The following TULP2 variants were observed in gnomAD, a reference collection of about 807,000 sequenced individuals.
TULP2 encodes tubby-related protein 2.
In TULP2, 64 loss-of-function variants were observed where a neutral mutation model predicts 60.3. That is an observed-to-expected ratio of 1.06 (90% CI 0.87 to 1.31). The LOEUF (loss-of-function observed/expected upper bound fraction) is 1.31, where lower values mean the gene tolerates loss of function less well. TULP2 is among the 50% of genes most tolerant of loss of function. The probability of loss-of-function intolerance (pLI) is 0.00; values close to 1 mark genes in which losing one functional copy is unlikely to be tolerated. For synonymous variants in TULP2, 267 were observed against 265.4 expected, an observed-to-expected ratio of 1.01 and a Z score of -0.06; for missense variants, 652 against 667.0, an observed-to-expected ratio of 0.98 and a Z score of 0.25.
intron 8 of TULP2, among the ~76,000 whole-genome samples, chr19:48,886,284 G>T (rs1022248720): frequency 1.3e-5 from 2 of 148,550 alleles, no homozygotes; most frequent in Non-Finnish European, 3.0e-5. Context: ...GGGCGACAGA[G>T]CAAGACTACG....
chr19:48,884,034 G>A lies in TULP2; in HGVS notation c.1074C>T (p.Phe358=), dbSNP rs1353146271. The A allele has an allele frequency of 3.1e-6, 5 of 1,613,816 alleles. No individual in the cohort carries two copies. The highest frequency in any genetic ancestry group is 4.2e-6 in the Non-Finnish European group (5 of 1,179,888). The change falls in exon 10 of 13, where the codon TTC becomes TTT. Residue 358 remains phenylalanine (F), a synonymous_variant. Transcript: ENST00000221399. ...TGTCAAAGATGGTGAACTTGGTGCTGAAGACATTGGATCTGCTCCAGGAAG... is the reference window on the plus strand; with the variant it reads ...TGTCAAAGATGGTGAACTTGGTGCTAAAGACATTGGATCTGCTCCAGGAAG... ...NFVGKVRSNV[F]STKFTIFDNG... is the part of the protein sequence containing the mutation.
In TULP2 at chr19:48,896,520, G is replaced by A. The variant is rs772028249; in HGVS notation, c.121C>T (p.Gln41Ter). 6.2e-7 allele frequency: 1 copy of A among 1,605,968 alleles called. No individual in the cohort carries two copies. Among genetic ancestry groups the A allele is most frequent in the Non-Finnish European group, 8.5e-7 (1 of 1,176,258 alleles). The stretch of plus-strand genomic sequence containing the variant: ...TTGGCCTGAACCATGAGGAGCTCCT[G>A]GCGCTTCTGTCGCTGCTTCTTTTCA... ...LFEKKQRQKR[Q>*]ELLMVQANPD... Residue 41 changes from glutamine (Q) to a stop codon, truncating the protein, a stop_gained, in exon 4 of 13, where the codon CAG becomes TAG. Transcript: ENST00000221399. LOFTEE classifies it high-confidence loss of function.
At chr19:48,895,915 G>A (rs911696679) in intron 4 of TULP2, among the ~76,000 whole-genome samples, 1 of 151,980 alleles carries the variant, frequency 6.6e-6, no homozygotes, top group Non-Finnish European at 1.5e-5. Flanking sequence ...TTCGCGGACC[G>A]CCCAAACCTT....
intron 8 of TULP2, among the ~76,000 whole-genome samples, chr19:48,887,131 C>T (rs1025928851): frequency 8.6e-5 from 13 of 150,656 alleles, no homozygotes; most frequent in African/African-American, 2.9e-4. Flanking sequence ...CCTGCCTCAG[C>T]CTCCTGAGTA....
chr19:48,889,947 T>A (rs2122130270), intron 6 of TULP2, among the ~76,000 whole-genome samples: 1 of 152,332 alleles, frequency 6.6e-6, no homozygotes, highest in East Asian at 1.9e-4. Context: ...CGCAGGGACC[T>A]CTGCCTAGGA....
Position 48,898,702 on chromosome 19 carries a change from C to CA in TULP2, c.-115dup, listed in dbSNP as rs2037307133. The CA allele has an allele frequency of 6.6e-6, 1 of 152,122 alleles. No homozygotes were observed. Among genetic ancestry groups the CA allele is most frequent in the Admixed American group, 6.6e-5 (1 of 15,248 alleles). The allele number at this position is 152,122 out of a possible 1,614,324, so 9.4% of individuals were successfully genotyped here. ...ATTCCCTCTGGGACCTGAACTGGTC[C>CA]ACTCCCTTCTGACCCTCCACTCTCC... On this transcript the variant is annotated 5_prime_UTR_variant, in exon 1 of 13. Transcript: ENST00000221399.
At position 48,887,311 on chromosome 19, in the gene TULP2, C is replaced by CTTTTTTTTTTTTTTTTTTT. The variant is rs58640342; in HGVS notation, c.948+620_948+638dup. On this transcript the variant is annotated intron_variant, in intron 8 of 12. Transcript: ENST00000221399. ...CAAGTGTGAGCCACCGCGCCCAGCC[C>CTTTTTTTTTTTTTTTTTTT]TTTTTTTTTTTTTTTTTTTTTTTTT... Among the ~76,000 whole-genome samples the CTTTTTTTTTTTTTTTTTTT allele has an allele frequency of 3.0e-3, 120 of 39,376 alleles. 31 individuals are homozygous for CTTTTTTTTTTTTTTTTTTT. Among genetic ancestry groups the CTTTTTTTTTTTTTTTTTTT allele is most frequent in the Middle Eastern group, 0.05 (1 of 20 alleles). The allele number at this position is 39,376 out of a possible 152,430, so 25.8% of individuals were successfully genotyped here.
rs150213279 is a variant in TULP2 at position 48,882,759 on chromosome 19, G to T, written c.1276-556C>A. Among the ~76,000 whole-genome samples, 614 of 152,312 alleles carry T rather than the reference G, an allele frequency of 4.0e-3. 5 individuals carry two copies. The highest frequency in any genetic ancestry group is 0.014 in the African/African-American group (570 of 41,570). On this transcript the variant is annotated intron_variant, in intron 11 of 12. Transcript: ENST00000221399. The stretch of plus-strand genomic sequence containing the variant: ...GGTAAAAACACCTTCAAATAAGGAA[G>T]AGGAACAGGCTATGACCTAATGCTT...
At chr19:48,887,805 G>C (rs1034748054) in intron 8 of TULP2, 145 bp downstream of exon 8, 1 of 835,024 alleles carries the variant, frequency 1.2e-6, no homozygotes, top group Non-Finnish European at 1.8e-6. Context: ...TGATCCACCC[G>C]CTTCAGCCTC....
intron 6 of TULP2, among the ~76,000 whole-genome samples, chr19:48,894,594 T>C (rs930854703): frequency 2.6e-5 from 4 of 152,042 alleles, no homozygotes; most frequent in Non-Finnish European, 4.4e-5. Context: ...TGAGCCAAGA[T>C]CACGCCACTG....
At chr19:48,890,203 G>A (rs1442904128) in intron 6 of TULP2, among the ~76,000 whole-genome samples, 1 of 152,246 alleles carries the variant, frequency 6.6e-6, no homozygotes, top group Non-Finnish European at 1.5e-5. Flanking sequence ...ACTGAGATAG[G>A]GAAAAACCGC....
At position 48,897,280 on chromosome 19, in the gene TULP2, G is replaced by T. The variant is rs1006065244; in HGVS notation, c.84+65C>A. 6.4e-6 allele frequency: 10 copies of T among 1,561,324 alleles called. No individual in the cohort carries two copies. In the Admixed American group the frequency reaches 1.4e-4, roughly 22 times the overall value. ...GGGAGTCCTAGAGCAAGACCTGGTG[G>T]AGAGGCCCCTGGGGAGGCACAGAAG... On this transcript the variant is annotated intron_variant, in intron 3 of 12. Transcript: ENST00000221399. This position sits in a 1 kb window ranked among gnomAD's most constrained non-coding sequence, Gnocchi z 4.0.
Position 48,887,971 on chromosome 19 carries a change from C to G in TULP2, c.927G>C (p.Leu309=). ...KGLFPLYYLY[L]ETSDSLQRFL... is the part of the protein sequence containing the mutation. ...GCACCTGCAGGCTGTCAGAGGTCTCCAGGTAGAGGTAGTAGAGGGGGAACA... is the reference window on the plus strand; with the variant it reads ...GCACCTGCAGGCTGTCAGAGGTCTCGAGGTAGAGGTAGTAGAGGGGGAACA... Residue 309 remains leucine, a synonymous_variant, in exon 8 of 13, where the codon CTG becomes CTC. Coordinates refer to ENST00000221399, the MANE Select transcript of TULP2 (RefSeq NM_003323.3). 4 of 1,611,416 alleles carry G rather than the reference C, an allele frequency of 2.5e-6. No individual in the cohort carries two copies. Among genetic ancestry groups the G allele is most frequent in the Non-Finnish European group, 3.4e-6 (4 of 1,177,762 alleles).
intron 12 of TULP2, 85 bp from the exon 13 acceptor site, chr19:48,881,211 CT>C (rs1317301312): frequency 0.14 from 23,367 of 172,638 alleles, 9 homozygotes; most frequent in South Asian, 0.17. Flanking sequence ...TTTTTTTTTT[CT>C]TTTTTTTTTT....
intron 9 of TULP2, among the ~76,000 whole-genome samples, chr19:48,884,604 C>A (rs1407254579): frequency 4.6e-5 from 7 of 151,790 alleles, no homozygotes; most frequent in Admixed American, 2.0e-4. Context: ...AACCCCGTCT[C>A]TACTAAAAAT....
At chr19:48,896,579 T>C (rs1215875165) in intron 3 of TULP2, 23 bp from the exon 4 acceptor site, 1 of 1,573,952 alleles carries the variant, frequency 6.4e-7, no homozygotes, top group African/African-American at 1.4e-5. Flanking sequence ...GAGAGGTGGG[T>C]GTCCGGGACA....
In TULP2 at chr19:48,885,479, G is replaced by A. The variant is rs144085044; in HGVS notation, c.1030C>T (p.Arg344Trp). ...TTGCCCACGAAATTGTCCCCGTCCC[G>A]AGATAGGTGTGTAGGATCCAGGGAG... ...LISLDPTHLS[R>W]DGDNFVGKVR... Residue 344 changes from arginine (R) to tryptophan (W), a missense_variant, in exon 9 of 13, where the codon CGG becomes TGG. Arg to Trp is a moderately radical substitution (Grantham distance 101). Transcript: ENST00000221399. 1,218 of 1,614,012 alleles carry A rather than the reference G, an allele frequency of 7.5e-4. 2 individuals carry two copies. Among genetic ancestry groups the A allele is most frequent in the Non-Finnish European group, 7.1e-4 (838 of 1,179,952 alleles).
intron 1 of TULP2, among the ~76,000 whole-genome samples, 173 bp from the exon 2 acceptor site, chr19:48,898,042 G>A (rs533888918): frequency 4.7e-4 from 71 of 151,970 alleles, no homozygotes; most frequent in African/African-American, 1.6e-3. Context: ...GCGCCATCTC[G>A]GCCACTGCAA....
chr19:48,888,117 T>C lies in TULP2; in HGVS notation c.781A>G (p.Ile261Val). The C allele has an allele frequency of 6.2e-7, 1 of 1,614,200 alleles. No homozygotes were observed. Among genetic ancestry groups the C allele is most frequent in the Non-Finnish European group, 8.5e-7 (1 of 1,180,014 alleles). Residue 261 changes from isoleucine to valine, a missense_variant, in exon 8 of 13, where the codon ATC becomes GTC. Ile to Val is a conservative substitution (Grantham distance 29, BLOSUM62 3). Coordinates refer to ENST00000221399, the MANE Select transcript of TULP2 (RefSeq NM_003323.3). ...DHMRHEASLAIRSPCPGLEED... is the reference protein window; with the variant it reads ...DHMRHEASLAVRSPCPGLEED... ...TCCAGCCCAGGGCAGGGGGAGCGGA[T>C]TGCCAAGGAGGCTTCGTGCCTCATA...
Sources: allele counts gnomAD v4.1 joint callset (sites outside exome capture counted in the v4.1 genomes callset), GRCh38; gene constraint gnomAD v4.1.1; non-coding constraint Gnocchi (gnomAD v3.1); transcripts MANE v1.5; gene names NCBI Gene and HGNC (gene_info 2026-07-23, HGNC 2026-07-21).